BBS7: variants seen among roughly 807,000 people sequenced by gnomAD.
The protein encoded by BBS7 is Bardet-Biedl syndrome 7.
A neutral mutation model predicts 90.3 loss-of-function variants in BBS7; 50 were observed. The observed-to-expected ratio is 0.55, with a 90% CI of 0.44 to 0.70. The LOEUF (loss-of-function observed/expected upper bound fraction) is 0.70, where lower values mean the gene tolerates loss of function less well. Among genes scored for constraint, BBS7 ranks in the 30% least tolerant of loss-of-function variants. The probability of loss-of-function intolerance (pLI) is 0.00; values close to 1 mark genes in which losing one functional copy is unlikely to be tolerated. For missense variants in BBS7, 729 were observed against 838.9 expected (o/e 0.87, Z 1.62); for synonymous variants, 235 against 287.4 (o/e 0.82, Z 1.85).
intron 18 of BBS7, among the ~76,000 whole-genome samples, chr4:121,826,798 A>G (rs1338206764): frequency 6.6e-6 from 1 of 152,142 alleles, no homozygotes; most frequent in East Asian, 1.9e-4. Flanking sequence ...CCTGGCCAAT[A>G]TGGTGAAACC....
chr4:121,832,787 T>A (rs1560642097), intron 15 of BBS7, among the ~76,000 whole-genome samples: 1 of 152,194 alleles, frequency 6.6e-6, no homozygotes, highest in Non-Finnish European at 1.5e-5. Flanking sequence ...TCAATTTGGG[T>A]AGGACTGTCA....
chr4:121,827,068 T>C (rs555560797), intron 18 of BBS7, among the ~76,000 whole-genome samples: 1 of 152,318 alleles, frequency 6.6e-6, no homozygotes, highest in African/African-American at 2.4e-5. Flanking sequence ...TTAATTCAGA[T>C]TAAGTCAAGA....
intron 11 of BBS7, among the ~76,000 whole-genome samples, chr4:121,844,534 T>A (rs1725908112): frequency 8.5e-5 from 1 of 11,752 alleles, no homozygotes; most frequent in Non-Finnish European, 1.9e-4. Context: ...TGCCTTTAGG[T>A]TTTTTTTTTA....
chr4:121,861,644 T>G lies in BBS7; in HGVS notation c.201A>C (p.Ala67=). The G allele has an allele frequency of 1.2e-6, 2 of 1,613,760 alleles. No homozygotes were observed. The highest frequency in any genetic ancestry group is 8.5e-7 in the Non-Finnish European group (1 of 1,179,794). Residue 67 remains alanine (A), a synonymous_variant, in exon 4 of 19, where the codon GCA becomes GCC. Coordinates refer to ENST00000264499, the MANE Select transcript of BBS7 (RefSeq NM_176824.3). ...TGATAACCCCTCCCAGTTCCAGCCT[T>G]GCAATCTTCGGCCCGGGTAAAGTCT... The part of the protein sequence containing the change: ...VFKTLPGPKI[A]RLELGGVINT...
At chr4:121,859,450 T>C (rs1353393973) in intron 4 of BBS7, among the ~76,000 whole-genome samples, 1 of 152,128 alleles carries the variant, frequency 6.6e-6, no homozygotes, top group East Asian at 1.9e-4. Context: ...TAATGATAAT[T>C]TAACTGTCTA....
At chr4:121,846,566 T>TA (rs1257502083) in intron 10 of BBS7, among the ~76,000 whole-genome samples, 4 of 151,996 alleles carry the variant, frequency 2.6e-5, no homozygotes, top group African/African-American at 4.8e-5. Flanking sequence ...GACTTGGTTA[T>TA]AAAAAAAAGG....
Position 121,833,303 on chromosome 4 carries a change from G to T in BBS7, c.1604C>A (p.Pro535His). ...VFCLPEVPEK[P>H]PAGECVTFYF... ...AAATGTCACACATTCTCCTGCTGGA[G>T]GTTTTTCTGGAACTTCAGGCAGACA... Residue 535 changes from proline to histidine, a missense_variant, in exon 15 of 19, where the codon CCT (proline) becomes CAT (histidine). Transcript: ENST00000264499. 1 of 1,613,920 alleles carries T rather than the reference G, an allele frequency of 6.2e-7. No homozygotes were observed. The highest frequency in any genetic ancestry group is 1.1e-5 in the South Asian group (1 of 91,078).
intron 12 of BBS7, among the ~76,000 whole-genome samples, chr4:121,843,565 T>C (rs1725850736): frequency 6.6e-6 from 1 of 152,202 alleles, no homozygotes; most frequent in Non-Finnish European, 1.5e-5. Context: ...GATAATACTT[T>C]AAGGAAACGC....
intron 4 of BBS7, among the ~76,000 whole-genome samples, chr4:121,860,779 T>C (rs1298758846): frequency 6.6e-6 from 1 of 152,184 alleles, no homozygotes; most frequent in Non-Finnish European, 1.5e-5. Context: ...CTGTGCATTA[T>C]ACAAAACTTT....
At chr4:121,835,045 G>A in intron 14 of BBS7, 99 bp downstream of exon 14, 1 of 1,222,800 alleles carries the variant, frequency 8.2e-7, no homozygotes, top group Non-Finnish European at 1.2e-6. Context: ...ATTTTTAAAA[G>A]TAGAAATTGC....
At chr4:121,867,909 T>G in intron 2 of BBS7, 72 bp downstream of exon 2, 1 of 1,282,608 alleles carries the variant, frequency 7.8e-7, no homozygotes. Context: ...AACTTAATAA[T>G]AAAGAAGGAA....
chr4:121,833,704 A>G (rs1366377549), intron 14 of BBS7, among the ~76,000 whole-genome samples: 1 of 151,878 alleles, frequency 6.6e-6, no homozygotes, highest in Non-Finnish European at 1.5e-5. Context: ...TAAAAAGTTT[A>G]TTTTTTTATT....
In BBS7 at chr4:121,839,674, G is replaced by A; in HGVS notation, c.1328C>T (p.Ala443Val). 6.2e-7 allele frequency: 1 copy of A among 1,613,808 alleles called. No individual in the cohort carries two copies. Among genetic ancestry groups the A allele is most frequent in the East Asian group, 2.2e-5 (1 of 44,858 alleles). The change falls in exon 13 of 19, where the codon GCC becomes GTC. Residue 443 changes from alanine (A) to valine (V), a missense_variant. Coordinates refer to ENST00000264499, the MANE Select transcript of BBS7 (RefSeq NM_176824.3). The stretch of plus-strand genomic sequence containing the variant: ...AGTATCTGCCTGGCACCGATAAGTG[G>A]CAAGAAGGAAGTTGTCGTTTGACTG... Reference protein sequence around the residue: ...DSESNDNFLLATYRCQADTTR... With the variant: ...DSESNDNFLLVTYRCQADTTR...
chr4:121,851,093 C>T (rs576480477), intron 8 of BBS7, among the ~76,000 whole-genome samples: 123 of 152,218 alleles, frequency 8.1e-4, no homozygotes, highest in African/African-American at 2.9e-3. Context: ...ACCTGACTTG[C>T]AGAAGAATGT....
chr4:121,836,980 G>A (rs942241500), intron 13 of BBS7, among the ~76,000 whole-genome samples: 1 of 149,306 alleles, frequency 6.7e-6, no homozygotes, highest in Non-Finnish European at 1.5e-5. Flanking sequence ...TTTTTTTTGA[G>A]ATAGAGTCTC....
intron 14 of BBS7, among the ~76,000 whole-genome samples, chr4:121,834,756 G>T (rs375471384): frequency 6.6e-6 from 1 of 152,084 alleles, no homozygotes; most frequent in East Asian, 1.9e-4. Flanking sequence ...TGCTTTATCT[G>T]ATTTTTCTTT....
At chr4:121,840,255 G>A (rs549385800) in intron 12 of BBS7, among the ~76,000 whole-genome samples, 18 of 152,252 alleles carry the variant, frequency 1.2e-4, no homozygotes, top group African/African-American at 3.8e-4. Context: ...CTTGTCTGCC[G>A]CCATGTGAGA....
chr4:121,868,788 C>CA (rs965354242), intron 1 of BBS7, among the ~76,000 whole-genome samples: 7 of 128,186 alleles, frequency 5.5e-5, no homozygotes, highest in Admixed American at 1.6e-4. Context: ...GATTATTTTA[C>CA]AAAAAAATAC....
chr4:121,829,694 G>T lies in BBS7; in HGVS notation c.1677-966C>A, dbSNP rs185939682. Among the ~76,000 whole-genome samples the T allele has an allele frequency of 5.7e-3, 865 of 152,316 alleles. 9 individuals carry two copies. Among genetic ancestry groups the T allele is most frequent in the Non-Finnish European group, 9.4e-3 (639 of 68,034 alleles). On this transcript the variant is annotated intron_variant, in intron 15 of 18. Coordinates refer to ENST00000264499, the MANE Select transcript of BBS7 (RefSeq NM_176824.3). ...ACATTCCATACCCCTGACCACAGTG[G>T]TTCATGGCTTAACAATGATACTCAA...
Sources: allele counts gnomAD v4.1 joint callset (sites outside exome capture counted in the v4.1 genomes callset), GRCh38; gene constraint gnomAD v4.1.1; transcripts MANE v1.5; gene names NCBI Gene and HGNC (gene_info 2026-07-23, HGNC 2026-07-21).